CALD1: variants seen among roughly 807,000 people sequenced by gnomAD.
The protein encoded by CALD1 is caldesmon 1, also known as caldesmon.
A neutral mutation model predicts 99.9 loss-of-function variants in CALD1; 33 were observed. The ratio of observed to expected loss-of-function variants is 0.33; its 90% CI spans 0.25 to 0.44. The LOEUF is 0.44. CALD1 is among the 20% of genes least tolerant of loss of function. The pLI is 1.00. For missense variants in CALD1, 861 were observed against 962.1 expected (o/e 0.89, Z 1.39); for synonymous variants, 310 against 325.0 (o/e 0.95, Z 0.50).
At chr7:134,826,564 C>G (rs978163450) in intron 1 of CALD1, among the ~76,000 whole-genome samples, 3 of 152,136 alleles carry the variant, frequency 2.0e-5, no homozygotes, top group Non-Finnish European at 2.9e-5. Context: ...GTCACCATGA[C>G]TTAAAATTGA....
In CALD1 at chr7:134,960,545, T is replaced by C. The variant is rs970181029; in HGVS notation, c.2212T>C (p.Leu738=). Residue 738 remains leucine (L), a synonymous_variant, in exon 13 of 15, where the codon TTG becomes CTG. Coordinates refer to ENST00000361675, the MANE Select transcript of CALD1 (RefSeq NM_033138.4). ...TGCCCCTTTGTAGGAAACTGCTGGC[T>C]TGAAGGTAGGGGTTTCTAGCCGCAT... The part of the protein sequence containing the change: ...AGTPNKETAG[L]KVGVSSRINE... The C allele has an allele frequency of 3.1e-6, 5 of 1,611,648 alleles. No individual in the cohort carries two copies. Among genetic ancestry groups the C allele is most frequent in the Middle Eastern group, 3.3e-4 (2 of 6,084 alleles).
At chr7:134,741,203 A>T (rs972961262), upstream of CALD1, among the ~76,000 whole-genome samples, 124 of 152,298 alleles carry the variant, frequency 8.1e-4, 1 homozygote, top group African/African-American at 2.9e-3. Flanking sequence ...ACAGTTCCAT[A>T]AGGCTGGGGA....
intron 3 of CALD1, among the ~76,000 whole-genome samples, chr7:134,924,599 A>G (rs190791478): frequency 1.3e-5 from 2 of 152,316 alleles, no homozygotes; most frequent in Admixed American, 1.3e-4. Flanking sequence ...GCAACTGGAC[A>G]TGTTATGATT....
the CALD1 span, among the ~76,000 whole-genome samples, chr7:134,733,264 G>T: frequency 6.6e-6 from 1 of 152,154 alleles, no homozygotes; most frequent in African/African-American, 2.4e-5. Flanking sequence ...GAGGGGAGGA[G>T]CCCCAGCAAC....
chr7:134,819,453 G>A (rs866609492), intron 1 of CALD1, among the ~76,000 whole-genome samples: 6 of 152,222 alleles, frequency 3.9e-5, no homozygotes, highest in Middle Eastern at 3.4e-3. Context: ...GGGCCATACC[G>A]CTCAAGTTTA....
At chr7:134,858,549 C>T in intron 2 of CALD1, among the ~76,000 whole-genome samples, 1 of 152,132 alleles carries the variant, frequency 6.6e-6, no homozygotes, top group African/African-American at 2.4e-5. Context: ...TCACTCAGTA[C>T]AATCATTTCA....
chr7:134,791,015 G>C (rs1373562183), intron 1 of CALD1, among the ~76,000 whole-genome samples: 1 of 152,196 alleles, frequency 6.6e-6, no homozygotes, highest in Non-Finnish European at 1.5e-5. Flanking sequence ...TCTGTCCATT[G>C]ATTTACAAAA....
intron 1 of CALD1, among the ~76,000 whole-genome samples, chr7:134,750,285 C>G (rs1346476274): frequency 6.6e-6 from 1 of 151,922 alleles, no homozygotes. Context: ...CCCCTACTGG[C>G]AGAGCCTAAC....
At chr7:134,731,162 C>T in the CALD1 span, among the ~76,000 whole-genome samples, 1 of 152,172 alleles carries the variant, frequency 6.6e-6, no homozygotes, top group African/African-American at 2.4e-5. Flanking sequence ...TCCACATGCT[C>T]TTCCACACTC....
chr7:134,961,510 A>G (rs1025395873), intron 13 of CALD1: 2 of 152,216 alleles, frequency 1.3e-5, no homozygotes, highest in Non-Finnish European at 2.9e-5. Flanking sequence ...ATTTAATTGC[A>G]TTTGTTGGCT....
At chr7:134,737,031 A>G in the CALD1 span, among the ~76,000 whole-genome samples, 5 of 152,168 alleles carry the variant, frequency 3.3e-5, no homozygotes, top group South Asian at 1.0e-3. Context: ...TTATGTATAT[A>G]TATCTGGATA....
Position 134,928,743 on chromosome 7 carries a change from T to C in CALD1, c.72-11T>C. 6.2e-7 allele frequency: 1 copy of C among 1,612,388 alleles called. No individual in the cohort carries two copies. The highest frequency in any genetic ancestry group is 8.5e-7 in the Non-Finnish European group (1 of 1,179,188). ...TGGCACGCTCAAGAGGTTGTCTTTG[T>C]AATGTTGCAGAATCGCCTACCAGAG... On this transcript the variant is annotated splice_polypyrimidine_tract_variant and intron_variant, in intron 3 of 14. Coordinates refer to ENST00000361675, the MANE Select transcript of CALD1 (RefSeq NM_033138.4).
At chr7:134,718,888 T>G in the CALD1 span, among the ~76,000 whole-genome samples, 1 of 152,218 alleles carries the variant, frequency 6.6e-6, no homozygotes, top group Non-Finnish European at 1.5e-5. Flanking sequence ...ATGTCATACC[T>G]AGATGAATAA....
At chr7:134,742,388 G>C (rs952844707), upstream of CALD1, among the ~76,000 whole-genome samples, 3 of 152,240 alleles carry the variant, frequency 2.0e-5, no homozygotes, top group African/African-American at 7.2e-5. Context: ...GGGAAATGTG[G>C]TTGGGATGGG....
chr7:134,765,523 G>A (rs1013450346), intron 1 of CALD1, among the ~76,000 whole-genome samples: 8 of 152,174 alleles, frequency 5.3e-5, no homozygotes, highest in East Asian at 3.9e-4. Flanking sequence ...GCACTTATGC[G>A]ATTCCATGTA....
At chr7:134,909,094 A>G (rs1410560440) in intron 3 of CALD1, among the ~76,000 whole-genome samples, 1 of 152,118 alleles carries the variant, frequency 6.6e-6, no homozygotes, top group African/African-American at 2.4e-5. Flanking sequence ...TTGATATTTA[A>G]TTTAGTTAAT....
intron 2 of CALD1, among the ~76,000 whole-genome samples, chr7:134,861,160 T>C (rs1800547853): frequency 6.6e-6 from 1 of 152,226 alleles, no homozygotes; most frequent in Non-Finnish European, 1.5e-5. Flanking sequence ...TATTATTATG[T>C]GGCGTAAGAT....
At chr7:134,851,517 C>G (rs1009700417) in intron 2 of CALD1, among the ~76,000 whole-genome samples, 1 of 152,186 alleles carries the variant, frequency 6.6e-6, no homozygotes, top group Non-Finnish European at 1.5e-5. Flanking sequence ...CTGGCCAAGA[C>G]TCTATCAGTC....
chr7:134,891,725 A>G (rs1200065657), intron 3 of CALD1: 1 of 1,138,476 alleles, frequency 8.8e-7, no homozygotes, highest in East Asian at 2.7e-5. Context: ...TTTTTTTTAT[A>G]AAAAACAAAC....
Sources: gnomAD v4.1 joint callset for allele counts (sites outside exome capture counted in the v4.1 genomes callset) on GRCh38, gnomAD v4.1.1 for gene constraint, MANE v1.5 for transcripts, NCBI Gene and HGNC (gene_info 2026-07-23, HGNC 2026-07-21) for gene names.